The following MYT1L variants were observed in gnomAD, a reference collection of about 807,000 sequenced individuals.
The protein encoded by MYT1L is myelin transcription factor 1-like protein.
In MYT1L, 12 loss-of-function variants were observed where a neutral mutation model predicts 126.7. The ratio of observed to expected loss-of-function variants is 0.09; its 90% confidence interval spans 0.06 to 0.15. The LOEUF is 0.15. Among genes scored for constraint, MYT1L ranks in the 10% least tolerant of loss-of-function variants. MYT1L has a pLI of 1.00. For synonymous variants in MYT1L, 541 were observed against 604.2 expected (o/e 0.90, Z 1.53); for missense variants, 979 against 1,585.2 (o/e 0.62, Z 6.49).
intron 4 of MYT1L, among the ~76,000 whole-genome samples, chr2:2,022,314 A>G (rs936120945): frequency 6.6e-6 from 1 of 152,180 alleles, no homozygotes; most frequent in Non-Finnish European, 1.5e-5. Flanking sequence ...CCCACCTCGA[A>G]GTGGTCTGAC....
intron 4 of MYT1L, among the ~76,000 whole-genome samples, chr2:2,003,056 T>C (rs2062562310): frequency 6.6e-6 from 1 of 152,154 alleles, no homozygotes; most frequent in Non-Finnish European, 1.5e-5. Context: ...TAATATACCT[T>C]GGGAATTGCT....
In MYT1L at chr2:1,910,210, G is replaced by C; in HGVS notation, c.1817+30C>G. On this transcript the variant is annotated intron_variant, in intron 13 of 24. Coordinates refer to ENST00000647738, the MANE Select transcript of MYT1L (RefSeq NM_001303052.2). The surrounding 1 kb of genome is among the most constrained non-coding windows in gnomAD (Gnocchi z 4.8). ...AGGTGTGGGGCAGACTATGGATAGAGCTCACGGATGGTGCACTCCTGCTGG... is the reference window on the plus strand; with the variant it reads ...AGGTGTGGGGCAGACTATGGATAGACCTCACGGATGGTGCACTCCTGCTGG... 6.3e-7 allele frequency: 1 copy of C among 1,592,176 alleles called. No individual in the cohort carries two copies. Among genetic ancestry groups the C allele is most frequent in the Non-Finnish European group, 8.6e-7 (1 of 1,162,774 alleles).
At chr2:2,161,978 C>T (rs967968004) in intron 3 of MYT1L, among the ~76,000 whole-genome samples, 1 of 152,134 alleles carries the variant, frequency 6.6e-6, no homozygotes, top group African/African-American at 2.4e-5. Flanking sequence ...CTGGTAGTTT[C>T]GGAAGCAGGC....
chr2:1,999,715 G>A (rs886620213), intron 4 of MYT1L, among the ~76,000 whole-genome samples: 1 of 152,106 alleles, frequency 6.6e-6, no homozygotes, highest in African/African-American at 2.4e-5. Context: ...CATATGTGGG[G>A]TGTTTGTCTT....
chr2:2,049,730 T>C (rs1035836843), intron 4 of MYT1L, among the ~76,000 whole-genome samples: 3 of 152,172 alleles, frequency 2.0e-5, no homozygotes, highest in African/African-American at 7.2e-5. Flanking sequence ...TGAATAAGTC[T>C]CATGAGATCT....
rs145136769 is a variant in MYT1L at position 1,814,919 on chromosome 2, G to C, written c.3081-5752C>G. 5.8e-4 allele frequency among the ~76,000 whole-genome samples: 88 copies of C among 152,302 alleles called. 1 individual carries two copies. Among genetic ancestry groups the C allele is most frequent in the African/African-American group, 2.1e-3 (86 of 41,566 alleles). Reference sequence around the variant, plus strand: ...CCTAGGAGCTCCAGGGAGAAGTGAAGTACAGGCTTGGAAGTCAGACTTTCT... The same window carrying C: ...CCTAGGAGCTCCAGGGAGAAGTGAACTACAGGCTTGGAAGTCAGACTTTCT... On this transcript the variant is annotated intron_variant, in intron 21 of 24. Transcript: ENST00000647738.
intron 3 of MYT1L, among the ~76,000 whole-genome samples, chr2:2,095,669 T>C (rs2077375583): frequency 6.6e-6 from 1 of 152,148 alleles, no homozygotes; most frequent in African/African-American, 2.4e-5. Flanking sequence ...GTGGCTTCTC[T>C]CTGCAATCTA....
At chr2:1,870,964 C>T (rs1294666141) in intron 18 of MYT1L, among the ~76,000 whole-genome samples, 4 of 152,206 alleles carry the variant, frequency 2.6e-5, no homozygotes, top group African/African-American at 4.8e-5. Context: ...TTTACCCGCC[C>T]TGCCCTAGGC....
chr2:1,942,204 C>T (rs1160790639), intron 9 of MYT1L, among the ~76,000 whole-genome samples: 1 of 152,202 alleles, frequency 6.6e-6, no homozygotes, highest in African/African-American at 2.4e-5. Context: ...CCACAAAACT[C>T]CCACCTCTTT....
At chr2:1,938,394 T>C (rs1004396186) in intron 9 of MYT1L, among the ~76,000 whole-genome samples, 3 of 152,212 alleles carry the variant, frequency 2.0e-5, no homozygotes, top group African/African-American at 7.2e-5. Context: ...TTCTTAACTT[T>C]AGGATAACAA....
At chr2:1,967,757 C>T (rs779789457) in intron 8 of MYT1L, among the ~76,000 whole-genome samples, 3 of 152,108 alleles carry the variant, frequency 2.0e-5, no homozygotes, top group Non-Finnish European at 4.4e-5. Context: ...GGGTGTTTTG[C>T]TGCGCAGGCG....
intron 2 of MYT1L, among the ~76,000 whole-genome samples, chr2:2,178,117 C>A (rs1180513639): frequency 1.3e-5 from 2 of 151,426 alleles, no homozygotes; most frequent in Admixed American, 1.3e-4. Context: ...TACTTGATTG[C>A]CAAAGAAAAT....
intron 21 of MYT1L, among the ~76,000 whole-genome samples, chr2:1,837,369 C>T (rs2041052713): frequency 1.3e-5 from 2 of 152,206 alleles, no homozygotes; most frequent in Non-Finnish European, 1.5e-5. Context: ...GCGAAACATA[C>T]AAACCCTTAC....
At chr2:2,110,320 G>T (rs114604718) in intron 3 of MYT1L, among the ~76,000 whole-genome samples, 1 of 151,684 alleles carries the variant, frequency 6.6e-6, no homozygotes. Context: ...TATTTAATTC[G>T]AGCTCCATTT....
chr2:1,833,122 C>T (rs1475336862), intron 21 of MYT1L, among the ~76,000 whole-genome samples: 1 of 152,208 alleles, frequency 6.6e-6, no homozygotes, highest in East Asian at 1.9e-4. Context: ...TCCTAGGAAG[C>T]CTCCTCAGAT....
At position 1,979,643 on chromosome 2, in the gene MYT1L, T is replaced by G. The variant is rs2060450170; in HGVS notation, c.55+80A>C. 1.2e-6 allele frequency: 2 copies of G among 1,604,350 alleles called. No homozygotes were observed. Among genetic ancestry groups the G allele is most frequent in the East Asian group, 4.5e-5 (2 of 44,810 alleles). ...AATTACCAAAAGGGTGGCATGAAAG[T>G]GGGGTCAGAATCGACCTCAGTTCCG... is the stretch of plus-strand genomic sequence containing the variant. On this transcript the variant is annotated intron_variant, in intron 6 of 24. Transcript: ENST00000647738. This position sits in a 1 kb window ranked among gnomAD's most constrained non-coding sequence, Gnocchi z 4.0.
chr2:1,899,861 T>C (rs1309970423), intron 14 of MYT1L, among the ~76,000 whole-genome samples: 1 of 152,140 alleles, frequency 6.6e-6, no homozygotes, highest in Non-Finnish European at 1.5e-5. Flanking sequence ...GACAGACACA[T>C]AGACAGACAC....
chr2:2,309,082 T>C (rs976056804), intron 1 of MYT1L, among the ~76,000 whole-genome samples: 2 of 151,330 alleles, frequency 1.3e-5, no homozygotes, highest in African/African-American at 4.9e-5. Flanking sequence ...CTACCTGTAC[T>C]CCATCTACAC....
At chr2:1,968,321 C>T (rs951142256) in intron 8 of MYT1L, among the ~76,000 whole-genome samples, 4 of 152,156 alleles carry the variant, frequency 2.6e-5, no homozygotes, top group Non-Finnish European at 4.4e-5. Context: ...CGTGAGAAGC[C>T]GCAGGATTGG....
Sources: allele counts gnomAD v4.1 joint callset (sites outside exome capture counted in the v4.1 genomes callset), GRCh38; gene constraint gnomAD v4.1.1; non-coding constraint Gnocchi (gnomAD v3.1); transcripts MANE v1.5; gene names NCBI Gene and HGNC (gene_info 2026-07-23, HGNC 2026-07-21).